COMMD1: variants seen among roughly 807,000 people sequenced by gnomAD.
COMMD1 encodes copper metabolism domain containing 1.
Under a neutral mutation model 17.2 loss-of-function variants are expected in COMMD1, and 10 were observed. That is an observed-to-expected ratio of 0.58 (90% confidence interval 0.36 to 0.99). The LOEUF (loss-of-function observed/expected upper bound fraction) is 0.99, where lower values mean the gene tolerates loss of function less well. COMMD1 is among the 50% of genes least tolerant of loss of function. The pLI is 0.01. For missense variants in COMMD1, 270 were observed against 231.8 expected (o/e 1.17, Z -1.07); for synonymous variants, 97 against 91.6 (o/e 1.06, Z -0.34).
At chr2:61,939,381 G>C (rs2103630870) in intron 1 of COMMD1, among the ~76,000 whole-genome samples, 1 of 151,972 alleles carries the variant, frequency 6.6e-6, no homozygotes, top group East Asian at 1.9e-4. Flanking sequence ...CAAGAGAATG[G>C]TGTGAACCCA....
intron 1 of COMMD1, among the ~76,000 whole-genome samples, chr2:61,994,785 G>A (rs1288102712): frequency 2.0e-5 from 3 of 152,110 alleles, no homozygotes; most frequent in Non-Finnish European, 4.4e-5. Context: ...CCAAGAAAAT[G>A]CTGTCTGTAA....
At chr2:61,906,449 G>A (rs1669774229) in intron 1 of COMMD1, among the ~76,000 whole-genome samples, 1 of 152,182 alleles carries the variant, frequency 6.6e-6, no homozygotes, top group African/African-American at 2.4e-5. Flanking sequence ...CACTTCACAT[G>A]TAATCAATAT....
intron 1 of COMMD1, 132 bp from the exon 2 acceptor site, chr2:62,000,569 G>A: frequency 1.1e-6 from 1 of 889,126 alleles, no homozygotes; most frequent in Non-Finnish European, 1.8e-6. Flanking sequence ...TGAGATTACA[G>A]GTGTGAGCCA....
In COMMD1 at chr2:62,000,752, GC is replaced by G. The variant is rs1668910105; in HGVS notation, c.233del (p.Ala78ValfsTer33). ...DFNQLEAFLT[A>X]QTKKQGGITS... is the part of the protein sequence containing the mutation. ...CAACCAGCTGGAGGCATTCTTGACTGCTCAAACCAAAAAGCAAGGTGGGATC... is the reference window on the plus strand; with the variant it reads ...CAACCAGCTGGAGGCATTCTTGACTGTCAAACCAAAAAGCAAGGTGGGATC... On this transcript the variant is annotated frameshift_variant, in exon 2 of 3. Coordinates refer to ENST00000311832, the MANE Select transcript of COMMD1 (RefSeq NM_152516.4). LOFTEE classifies it high-confidence loss of function. The G allele has an allele frequency of 6.2e-7, 1 of 1,614,018 alleles. No individual in the cohort carries two copies. Among genetic ancestry groups the G allele is most frequent in the African/African-American group, 1.3e-5 (1 of 74,918 alleles).
intron 1 of COMMD1, among the ~76,000 whole-genome samples, chr2:61,889,903 T>G (rs1290202066): frequency 6.6e-6 from 1 of 152,220 alleles, no homozygotes; most frequent in Non-Finnish European, 1.5e-5. Context: ...ATATCTCGTT[T>G]AGTCCTCACA....
chr2:62,070,057 C>G (rs781561137), intron 2 of COMMD1: 3 of 152,212 alleles, frequency 2.0e-5, no homozygotes, highest in Non-Finnish European at 4.4e-5. Context: ...ATGCCTGTTG[C>G]AAGTTGGGGT....
At chr2:62,008,471 G>A (rs1669187875) in intron 2 of COMMD1, among the ~76,000 whole-genome samples, 1 of 152,024 alleles carries the variant, frequency 6.6e-6, no homozygotes, top group South Asian at 2.1e-4. Flanking sequence ...TAAATAAAAT[G>A]CCATTTTATT....
intron 1 of COMMD1, among the ~76,000 whole-genome samples, chr2:61,936,162 G>T (rs1358819097): frequency 1.3e-5 from 2 of 152,080 alleles, no homozygotes; most frequent in African/African-American, 2.4e-5. Context: ...ACAGATGAGG[G>T]TTATCAGTTT....
At chr2:61,962,865 T>G (rs1420193324) in intron 1 of COMMD1, among the ~76,000 whole-genome samples, 1 of 151,966 alleles carries the variant, frequency 6.6e-6, no homozygotes, top group Non-Finnish European at 1.5e-5. Flanking sequence ...TTTGCTATAA[T>G]CAAACTATAA....
intron 1 of COMMD1, among the ~76,000 whole-genome samples, chr2:61,931,560 ATCC>A (rs1670468523): frequency 6.6e-6 from 1 of 152,132 alleles, no homozygotes; most frequent in Admixed American, 6.5e-5. Flanking sequence ...TGCTTTTATG[ATCC>A]TCCTCAGATT....
At chr2:62,009,514 A>G (rs13412146) in intron 2 of COMMD1, among the ~76,000 whole-genome samples, 1 of 151,672 alleles carries the variant, frequency 6.6e-6, no homozygotes, top group Non-Finnish European at 1.5e-5. Context: ...CTGAGGTAGG[A>G]GAATCGCTTG....
chr2:62,099,869 C>T (rs1672126516), intron 2 of COMMD1, among the ~76,000 whole-genome samples: 1 of 152,046 alleles, frequency 6.6e-6, no homozygotes. Flanking sequence ...CCACGAGGCC[C>T]CTGGTCACCC....
At chr2:61,947,903 A>G (rs1670953667) in intron 1 of COMMD1, among the ~76,000 whole-genome samples, 2 of 151,904 alleles carry the variant, frequency 1.3e-5, no homozygotes, top group Non-Finnish European at 2.9e-5. Flanking sequence ...GTTTGTCAGA[A>G]CAGAGACTCA....
rs190289500 is a variant in COMMD1, at chr2:61,915,202, C to T, written c.180+9344C>T. On this transcript the variant is annotated intron_variant, in intron 1 of 2. Coordinates refer to ENST00000311832, the MANE Select transcript of COMMD1 (RefSeq NM_152516.4). Reference sequence around the variant, plus strand: ...TGTATTTTTAGTAGAGATGGGGTTTCGTCATGTTGGTCAGGTTGGTCTCCA... The same window carrying T: ...TGTATTTTTAGTAGAGATGGGGTTTTGTCATGTTGGTCAGGTTGGTCTCCA... Among the ~76,000 whole-genome samples, 763 of 151,962 alleles carry T rather than the reference C, an allele frequency of 5.0e-3. 13 individuals are homozygous for T. Among genetic ancestry groups the T allele is most frequent in the African/African-American group, 0.017 (715 of 41,444 alleles).
At chr2:62,022,029 A>G (rs1327814750) in intron 2 of COMMD1, among the ~76,000 whole-genome samples, 1 of 152,198 alleles carries the variant, frequency 6.6e-6, no homozygotes, top group Non-Finnish European at 1.5e-5. Flanking sequence ...CATCAAATCT[A>G]AGAATCCATT....
chr2:62,068,786 G>A (rs546108493), intron 2 of COMMD1, among the ~76,000 whole-genome samples: 1 of 151,668 alleles, frequency 6.6e-6, no homozygotes, highest in African/African-American at 2.4e-5. Context: ...CAGCACACCC[G>A]GCTGATTTTT....
chr2:61,968,202 A>C (rs766883954), intron 1 of COMMD1, among the ~76,000 whole-genome samples: 1 of 152,128 alleles, frequency 6.6e-6, no homozygotes, highest in African/African-American at 2.4e-5. Context: ...TGCCAAACAT[A>C]GTCTATAGGG....
chr2:61,919,438 C>G (rs769543545), intron 1 of COMMD1, among the ~76,000 whole-genome samples: 2 of 151,942 alleles, frequency 1.3e-5, no homozygotes, highest in Non-Finnish European at 2.9e-5. Flanking sequence ...ACCTCAGCCT[C>G]TCAAGTAGCT....
intron 2 of COMMD1, among the ~76,000 whole-genome samples, chr2:62,044,658 AT>A (rs1257857814): frequency 6.6e-6 from 1 of 151,830 alleles, no homozygotes; most frequent in East Asian, 1.9e-4. Context: ...CTTTTTTTAC[AT>A]TTGTTTTCTG....
Sources: allele counts gnomAD v4.1 joint callset (sites outside exome capture counted in the v4.1 genomes callset), GRCh38; gene constraint gnomAD v4.1.1; transcripts MANE v1.5; gene names NCBI Gene and HGNC (gene_info 2026-07-23, HGNC 2026-07-21).